Variants in PPP1R3A observed in about 807,000 individuals in gnomAD.
PPP1R3A encodes protein phosphatase 1 regulatory subunit 3A.
In PPP1R3A, 29 loss-of-function variants were observed where a neutral mutation model predicts 41.7. The observed-to-expected ratio is 0.70, with a 90% CI of 0.52 to 0.95. The LOEUF (loss-of-function observed/expected upper bound fraction) is 0.95, where lower values mean the gene tolerates loss of function less well. Ranked by LOEUF, PPP1R3A falls within the 40% of genes least tolerant of loss-of-function variation. PPP1R3A has a pLI of 0.00. For missense variants in PPP1R3A, 1,352 were observed against 1,292.4 expected, an observed-to-expected ratio of 1.05 and a Z score of -0.71; for synonymous variants, 485 against 453.4, an observed-to-expected ratio of 1.07 and a Z score of -0.89.
intron 1 of PPP1R3A, among the ~76,000 whole-genome samples, chr7:113,891,339 T>C (rs1451310613): frequency 1.3e-5 from 2 of 152,074 alleles, no homozygotes; most frequent in East Asian, 1.9e-4. Flanking sequence ...GGCACACTGA[T>C]CATTAATTCT....
intron 1 of PPP1R3A, among the ~76,000 whole-genome samples, chr7:113,909,217 A>G (rs1264913861): frequency 6.6e-6 from 1 of 152,054 alleles, no homozygotes; most frequent in Non-Finnish European, 1.5e-5. Context: ...TTCTGGAAAG[A>G]AATGTTATTT....
Position 113,877,938 on chromosome 7 carries a change from T to C in PPP1R3A, c.3154A>G (p.Thr1052Ala). ...GEKESDSSAS[T>A]SLPVEESQAQ... ...TGACTTTCCTCAACAGGAAGACTAGTAGAAGCAGAGCTGTCAGATTCCTTT... is the reference window on the plus strand; with the variant it reads ...TGACTTTCCTCAACAGGAAGACTAGCAGAAGCAGAGCTGTCAGATTCCTTT... Residue 1052 changes from threonine (T) to alanine (A), a missense_variant, in exon 4 of 4, where the codon ACT becomes GCT. Physicochemically the swap from Thr to Ala is moderately conservative, Grantham distance 58. Transcript: ENST00000284601. 2 of 1,613,434 alleles carry C rather than the reference T, an allele frequency of 1.2e-6. No homozygotes were observed. Among genetic ancestry groups the C allele is most frequent in the Non-Finnish European group, 1.7e-6 (2 of 1,179,604 alleles).
At position 113,877,655 on chromosome 7, in the gene PPP1R3A, C is replaced by T. The variant is rs909308547; in HGVS notation, c.*68G>A. 3.6e-5 allele frequency: 53 copies of T among 1,464,566 alleles called. No homozygotes were observed. The highest frequency in any genetic ancestry group is 4.7e-5 in the Non-Finnish European group (51 of 1,090,858). 90.7% of individuals were successfully genotyped at this position (1,464,566 alleles called of 1,614,324 possible). Reference sequence around the variant, plus strand: ...ACTGGATCTTTGAACAATGAATAGTCCCATTCACCAATCCAAATGTTTGGG... The same window carrying T: ...ACTGGATCTTTGAACAATGAATAGTTCCATTCACCAATCCAAATGTTTGGG... On this transcript the variant is annotated 3_prime_UTR_variant, in exon 4 of 4. Transcript: ENST00000284601.
chr7:113,888,237 G>C (rs1796820309), intron 1 of PPP1R3A, among the ~76,000 whole-genome samples: 1 of 152,034 alleles, frequency 6.6e-6, no homozygotes, highest in Admixed American at 6.6e-5. Flanking sequence ...GGCTAAACAG[G>C]AGAGAGACGT....
chr7:113,888,883 C>T (rs1796832601), intron 1 of PPP1R3A, among the ~76,000 whole-genome samples: 1 of 152,194 alleles, frequency 6.6e-6, no homozygotes, highest in African/African-American at 2.4e-5. Flanking sequence ...AACTAGAAAT[C>T]AAGTTCACAA....
At position 113,879,294 on chromosome 7, in the gene PPP1R3A, G is replaced by A. The variant is rs778979334; in HGVS notation, c.1798C>T (p.His600Tyr). The change falls in exon 4 of 4, where the codon CAT becomes TAT. Residue 600 changes from histidine to tyrosine, a missense_variant. Physicochemically the swap from His to Tyr is moderately conservative, Grantham distance 83 (BLOSUM62 2). Coordinates refer to ENST00000284601, the MANE Select transcript of PPP1R3A (RefSeq NM_002711.4). ...SWEEAVLTPE[H>Y]HHLTSEGSAL... ...CTGCCTTCACTAGTCAAATGATGAT[G>A]CTCTGGGGTTAACACAGCTTCTTCC... 6.8e-6 allele frequency: 11 copies of A among 1,613,518 alleles called. No individual in the cohort carries two copies. Among genetic ancestry groups the A allele is most frequent in the Non-Finnish European group, 9.3e-6 (11 of 1,179,746 alleles).
intron 1 of PPP1R3A, among the ~76,000 whole-genome samples, chr7:113,909,096 A>G (rs113190737): frequency 0.018 from 2,755 of 152,040 alleles, 61 homozygotes; most frequent in African/African-American, 0.056. Flanking sequence ...CAATAAACCC[A>G]TGTAACAAAC....
At position 113,903,359 on chromosome 7, in the gene PPP1R3A, A is replaced by G. The variant is rs1325010042; in HGVS notation, c.782+14856T>C. Among the ~76,000 whole-genome samples, 21 of 151,780 alleles carry G rather than the reference A, an allele frequency of 1.4e-4. 1 individual carries two copies. Among genetic ancestry groups the G allele is most frequent in the Admixed American group, 1.4e-3 (21 of 15,190 alleles). ...TATTTATATAAAAAATGACCTATAG[A>G]AGAATTGAGTACTTAATATTGATAA... On this transcript the variant is annotated intron_variant, in intron 1 of 3. Transcript: ENST00000284601.
intron 1 of PPP1R3A, among the ~76,000 whole-genome samples, chr7:113,910,557 C>T (rs1175821485): frequency 6.6e-6 from 1 of 151,950 alleles, no homozygotes; most frequent in Admixed American, 6.6e-5. Context: ...TAAGTACTTA[C>T]AAGATTTAAG....
chr7:113,878,729 C>T lies in PPP1R3A; in HGVS notation c.2363G>A (p.Cys788Tyr). 1 of 1,613,406 alleles carries T rather than the reference C, an allele frequency of 6.2e-7. No homozygotes were observed. Among genetic ancestry groups the T allele is most frequent in the Middle Eastern group, 1.7e-4 (1 of 6,058 alleles). The change falls in exon 4 of 4, where the codon TGT becomes TAT. Residue 788 changes from cysteine (C) to tyrosine (Y), a missense_variant. By Grantham distance (194) the Cys-to-Tyr change is radical. Coordinates refer to ENST00000284601, the MANE Select transcript of PPP1R3A (RefSeq NM_002711.4). ...GATTACACCTACTGTATCTCGTTGA[C>T]AAAGGGTATAATGTGAATCATCATT... ...GRNDDSHYTL[C>Y]QRDTVGVIYD... is the part of the protein sequence containing the mutation.
At chr7:113,912,158 T>G (rs1797262692) in intron 1 of PPP1R3A, among the ~76,000 whole-genome samples, 1 of 152,154 alleles carries the variant, frequency 6.6e-6, no homozygotes, top group African/African-American at 2.4e-5. Context: ...CATATACACA[T>G]GTACTTCAGA....
intron 1 of PPP1R3A, among the ~76,000 whole-genome samples, chr7:113,910,495 A>G (rs929128830): frequency 6.6e-6 from 1 of 151,944 alleles, no homozygotes; most frequent in Admixed American, 6.6e-5. Context: ...AATATAATCT[A>G]TTTTCTGCTG....
At chr7:113,895,683 T>G (rs1457822863) in intron 1 of PPP1R3A, among the ~76,000 whole-genome samples, 1 of 151,950 alleles carries the variant, frequency 6.6e-6, no homozygotes, top group African/African-American at 2.4e-5. Flanking sequence ...ATTCTACTTA[T>G]GCTAATCATG....
At chr7:113,904,012 G>A (rs546141261) in intron 1 of PPP1R3A, among the ~76,000 whole-genome samples, 14 of 151,706 alleles carry the variant, frequency 9.2e-5, no homozygotes, top group South Asian at 4.1e-4. Flanking sequence ...CAGTATAATC[G>A]TTTTTCTAAT....
At chr7:113,904,698 TG>T (rs1430729743) in intron 1 of PPP1R3A, among the ~76,000 whole-genome samples, 4 of 151,584 alleles carry the variant, frequency 2.6e-5, no homozygotes, top group African/African-American at 9.7e-5. Flanking sequence ...AAAAAAAAAT[TG>T]TCTTTTATAG....
chr7:113,877,852 A>G lies in PPP1R3A; in HGVS notation c.3240T>C (p.Leu1080=). 4 of 1,610,744 alleles carry G rather than the reference A, an allele frequency of 2.5e-6. No homozygotes were observed. Among genetic ancestry groups the G allele is most frequent in the Non-Finnish European group, 2.5e-6 (3 of 1,177,346 alleles). ...CAGTTATAAGAAATATCAGAAACAA[A>G]AGGAAATAAGGTATTTTAGAGTTGG... The part of the protein sequence containing the change: ...KYTNSKIPYF[L]LFLIFLITVY... The change falls in exon 4 of 4, where the codon CTT becomes CTC. Residue 1080 remains leucine, a synonymous_variant. Transcript: ENST00000284601.
intron 1 of PPP1R3A, among the ~76,000 whole-genome samples, chr7:113,882,738 A>G (rs913397306): frequency 9.2e-5 from 14 of 151,980 alleles, no homozygotes; most frequent in Non-Finnish European, 2.1e-4. Context: ...ATGGTCATGG[A>G]AATTGCTAAC....
intron 1 of PPP1R3A, among the ~76,000 whole-genome samples, chr7:113,883,062 T>C (rs1481742626): frequency 1.3e-5 from 2 of 152,056 alleles, no homozygotes; most frequent in African/African-American, 4.8e-5. Flanking sequence ...AAATACCTTT[T>C]TCCTTCAAAT....
intron 1 of PPP1R3A, among the ~76,000 whole-genome samples, chr7:113,908,986 T>C (rs941540751): frequency 9.2e-5 from 14 of 151,862 alleles, no homozygotes; most frequent in East Asian, 3.9e-4. Context: ...CAGGGGACGA[T>C]AGAATTATGA....
Sources: gnomAD v4.1 joint callset for allele counts (sites outside exome capture counted in the v4.1 genomes callset) on GRCh38, gnomAD v4.1.1 for gene constraint, MANE v1.5 for transcripts, NCBI Gene and HGNC (gene_info 2026-07-23, HGNC 2026-07-21) for gene names.